Variants in TGFBRAP1 observed in about 807,000 individuals in gnomAD.
The protein encoded by TGFBRAP1 is transforming growth factor beta receptor associated protein 1.
Under a neutral mutation model 83.2 loss-of-function variants are expected in TGFBRAP1, and 20 were observed. That is an observed-to-expected ratio of 0.24 (90% CI 0.17 to 0.35). The LOEUF is 0.35. Among genes scored for constraint, TGFBRAP1 ranks in the 10% least tolerant of loss-of-function variants. TGFBRAP1 has a pLI of 1.00. For missense variants in TGFBRAP1, 950 were observed against 1,099.4 expected, an observed-to-expected ratio of 0.86 and a Z score of 1.92; for synonymous variants, 415 against 459.8, an observed-to-expected ratio of 0.90 and a Z score of 1.25.
chr2:105,283,726 G>A (rs6734370), intron 5 of TGFBRAP1, among the ~76,000 whole-genome samples: 2,963 of 152,244 alleles, frequency 0.019, 102 homozygotes, highest in African/African-American at 0.067. Context: ...CAGGTGTGGC[G>A]GGCAGGGGAA....
intron 10 of TGFBRAP1, among the ~76,000 whole-genome samples, chr2:105,272,501 G>A (rs190934618): frequency 8.5e-5 from 13 of 152,210 alleles, no homozygotes; most frequent in Non-Finnish European, 1.3e-4. Flanking sequence ...AAAGGGCACC[G>A]TCCATCTAGA....
the TGFBRAP1 span, among the ~76,000 whole-genome samples, chr2:105,254,299 C>T: frequency 8.1e-3 from 1,239 of 152,250 alleles, 12 homozygotes; most frequent in African/African-American, 0.029. Flanking sequence ...CGAAGTACTT[C>T]TCATCAGCCA....
At chr2:105,328,509 C>T (rs942930835) in intron 1 of TGFBRAP1, among the ~76,000 whole-genome samples, 1 of 152,194 alleles carries the variant, frequency 6.6e-6, no homozygotes, top group Non-Finnish European at 1.5e-5. Context: ...GGCTGACCAA[C>T]AGAGAGAAGC....
chr2:105,261,491 C>T (rs6714535), downstream of TGFBRAP1, among the ~76,000 whole-genome samples: 3,199 of 152,258 alleles, frequency 0.021, 128 homozygotes, highest in African/African-American at 0.074. Context: ...GTGGCTCAAG[C>T]CTGTAATCTC....
At chr2:105,290,571 AAGAC>A (rs1412734734) in intron 4 of TGFBRAP1, among the ~76,000 whole-genome samples, 7 of 148,536 alleles carry the variant, frequency 4.7e-5, no homozygotes, top group South Asian at 4.3e-4. Context: ...ATATGAGAGA[AAGAC>A]AGAGAGAGAG....
At chr2:105,289,723 G>C (rs1473935330) in intron 4 of TGFBRAP1, among the ~76,000 whole-genome samples, 1 of 152,204 alleles carries the variant, frequency 6.6e-6, no homozygotes, top group African/African-American at 2.4e-5. Context: ...AGGTGTTGTG[G>C]TTGTTGCTTT....
chr2:105,327,180 T>C (rs1017691705), intron 1 of TGFBRAP1: 1 of 152,158 alleles, frequency 6.6e-6, no homozygotes, highest in Non-Finnish European at 1.5e-5. Context: ...GATCACAAAT[T>C]TGTAATATTA....
chr2:105,291,969 A>G (rs572421759), intron 4 of TGFBRAP1, among the ~76,000 whole-genome samples: 4 of 152,358 alleles, frequency 2.6e-5, no homozygotes, highest in African/African-American at 9.6e-5. Context: ...ATGGTAGAAC[A>G]TATTTAAGTT....
chr2:105,314,320 G>C (rs549542375), intron 1 of TGFBRAP1, among the ~76,000 whole-genome samples: 4 of 143,814 alleles, frequency 2.8e-5, no homozygotes, highest in Non-Finnish European at 6.0e-5. Context: ...TTGTGATCTC[G>C]GCTCACTGCA....
chr2:105,251,967 C>A, the TGFBRAP1 span, among the ~76,000 whole-genome samples: 1 of 149,262 alleles, frequency 6.7e-6, no homozygotes, highest in Non-Finnish European at 1.5e-5. Flanking sequence ...AGAGTCATCA[C>A]CACTCCCTAA....
chr2:105,318,147 G>A (rs1678943856), intron 1 of TGFBRAP1, among the ~76,000 whole-genome samples: 1 of 152,110 alleles, frequency 6.6e-6, no homozygotes, highest in African/African-American at 2.4e-5. Flanking sequence ...GTGCTTACCA[G>A]GGCAAAGAAA....
intron 11 of TGFBRAP1, among the ~76,000 whole-genome samples, chr2:105,268,391 G>C (rs1429257964): frequency 1.3e-5 from 2 of 152,178 alleles, no homozygotes; most frequent in Admixed American, 1.3e-4. Flanking sequence ...GGGTGAAAGA[G>C]AAGGTGATTA....
At chr2:105,274,325 C>T (rs1677264182) in intron 8 of TGFBRAP1, among the ~76,000 whole-genome samples, 1 of 152,200 alleles carries the variant, frequency 6.6e-6, no homozygotes, top group Admixed American at 6.5e-5. Flanking sequence ...ACTGCACCTC[C>T]CCTGAGCACT....
intron 6 of TGFBRAP1, 128 bp from the exon 7 acceptor site, chr2:105,277,799 A>T: frequency 1.1e-6 from 1 of 927,850 alleles, no homozygotes; most frequent in Non-Finnish European, 1.7e-6. Flanking sequence ...CATGCCTGTA[A>T]TCCCAACACT....
intron 4 of TGFBRAP1, among the ~76,000 whole-genome samples, chr2:105,295,809 C>CAAAAAAAAA (rs368369527): frequency 1.3e-5 from 1 of 75,016 alleles, no homozygotes. Flanking sequence ...GACTCCATCT[C>CAAAAAAAAA]AAAAAAAAAA....
chr2:105,262,144 A>G (rs532123380), downstream of TGFBRAP1, among the ~76,000 whole-genome samples: 11 of 152,074 alleles, frequency 7.2e-5, no homozygotes, highest in South Asian at 2.3e-3. Flanking sequence ...GCCCAGCTCC[A>G]CCTCCTGCTT....
In TGFBRAP1 at chr2:105,284,321, G is replaced by A. The variant is rs755643035; in HGVS notation, c.1116C>T (p.Leu372=). Residue 372 remains leucine (L), a synonymous_variant, in exon 5 of 12, where the codon CTC becomes CTT. Coordinates refer to ENST00000393359, the MANE Select transcript of TGFBRAP1 (RefSeq NM_004257.6). ...AQLQFLEAKE[L]FRSGQLDVRE... Reference sequence around the variant, plus strand: ...CTACCAGCACCTCAAATTACCTGAAGAGCTCTTTAGCTTCCAGGAACTGAA... The same window carrying A: ...CTACCAGCACCTCAAATTACCTGAAAAGCTCTTTAGCTTCCAGGAACTGAA... 2.5e-6 allele frequency: 4 copies of A among 1,613,734 alleles called. No homozygotes were observed. The highest frequency in any genetic ancestry group is 3.4e-6 in the Non-Finnish European group (4 of 1,179,844).
At chr2:105,287,399 C>T (rs558642941) in intron 4 of TGFBRAP1, among the ~76,000 whole-genome samples, 20 of 152,280 alleles carry the variant, frequency 1.3e-4, no homozygotes, top group African/African-American at 4.8e-4. Context: ...AAAATAACTT[C>T]TCCAGGTAGA....
chr2:105,321,992 T>C (rs2104419771), intron 1 of TGFBRAP1, among the ~76,000 whole-genome samples: 1 of 152,282 alleles, frequency 6.6e-6, no homozygotes, highest in Non-Finnish European at 1.5e-5. Flanking sequence ...AAACAGTCCT[T>C]CAGGAGGACT....
Sources: gnomAD v4.1 joint callset for allele counts (sites outside exome capture counted in the v4.1 genomes callset) on GRCh38, gnomAD v4.1.1 for gene constraint, MANE v1.5 for transcripts, NCBI Gene and HGNC (gene_info 2026-07-23, HGNC 2026-07-21) for gene names.